The following PHLPP1 variants were observed in gnomAD, a reference collection of about 807,000 sequenced individuals.
PHLPP1 encodes PH domain leucine-rich repeat-containing protein phosphatase 1.
Under a neutral mutation model 117.2 loss-of-function variants are expected in PHLPP1, and 42 were observed. The ratio of observed to expected loss-of-function variants is 0.36; its 90% confidence interval spans 0.28 to 0.46. The LOEUF (loss-of-function observed/expected upper bound fraction) is 0.46. Ranked by LOEUF, PHLPP1 falls within the 20% of genes least tolerant of loss-of-function variation. The pLI, the probability that PHLPP1 is intolerant of heterozygous loss-of-function variation, is 1.00. For missense variants in PHLPP1, 2,084 were observed against 2,241.9 expected, an observed-to-expected ratio of 0.93 and a Z score of 1.42; for synonymous variants, 1,042 against 970.7, an observed-to-expected ratio of 1.07 and a Z score of -1.37.
intron 1 of PHLPP1, among the ~76,000 whole-genome samples, chr18:62,777,604 C>T (rs1050735360): frequency 6.6e-6 from 1 of 151,582 alleles, no homozygotes; most frequent in African/African-American, 2.4e-5. Flanking sequence ...GTGTTTTTTG[C>T]CTACTGTAAA....
At chr18:62,885,282 A>G (rs868861672) in intron 4 of PHLPP1, among the ~76,000 whole-genome samples, 5 of 152,136 alleles carry the variant, frequency 3.3e-5, no homozygotes, top group Non-Finnish European at 4.4e-5. Flanking sequence ...GCTCCACTTC[A>G]TTTTCTAATG....
chr18:62,973,049 T>G (rs770242649), intron 15 of PHLPP1, among the ~76,000 whole-genome samples: 1 of 152,230 alleles, frequency 6.6e-6, no homozygotes, highest in South Asian at 2.1e-4. Context: ...TAGGGGCTTT[T>G]TAGACTTTCT....
rs1053229005 is a variant in PHLPP1 at position 62,873,031 on chromosome 18, C to T, written c.2066+12430C>T. On this transcript the variant is annotated intron_variant, in intron 4 of 16. Coordinates refer to ENST00000262719, the MANE Select transcript of PHLPP1 (RefSeq NM_194449.4). ...AAGAAAAGGGGAGGTCAGAGCACTC[C>T]TTTTTACACCTGCTGTTTTTCAAGT... Among the ~76,000 whole-genome samples, 25 of 151,168 alleles carry T rather than the reference C, an allele frequency of 1.7e-4. 1 individual carries two copies. In the Middle Eastern group the frequency reaches 0.01, roughly 63 times the overall value.
intron 4 of PHLPP1, among the ~76,000 whole-genome samples, chr18:62,868,476 G>A (rs1915821494): frequency 6.6e-6 from 1 of 151,920 alleles, no homozygotes; most frequent in South Asian, 2.1e-4. Flanking sequence ...CAAAAAAATA[G>A]CTAGGCGTCA....
intron 1 of PHLPP1, among the ~76,000 whole-genome samples, chr18:62,759,587 A>G (rs1469947442): frequency 6.6e-6 from 1 of 152,214 alleles, no homozygotes; most frequent in Non-Finnish European, 1.5e-5. Context: ...CTTGCTTGAA[A>G]TGTAACCACA....
At chr18:62,734,745 A>T (rs1311781144) in intron 1 of PHLPP1, among the ~76,000 whole-genome samples, 2 of 152,236 alleles carry the variant, frequency 1.3e-5, no homozygotes, top group East Asian at 3.8e-4. Flanking sequence ...ACCATCTATT[A>T]TTAAATAACA....
chr18:62,905,758 A>G (rs368926101), intron 8 of PHLPP1, among the ~76,000 whole-genome samples: 4 of 152,356 alleles, frequency 2.6e-5, no homozygotes, highest in African/African-American at 9.6e-5. Context: ...GGAAATAATG[A>G]CAAAGCCTAT....
intron 1 of PHLPP1, among the ~76,000 whole-genome samples, chr18:62,737,093 A>G (rs1313128430): frequency 1.3e-5 from 2 of 152,212 alleles, no homozygotes; most frequent in African/African-American, 4.8e-5. Context: ...GCATTTACAC[A>G]GTGCCAGGGG....
At chr18:62,753,481 G>A (rs930082156) in intron 1 of PHLPP1, among the ~76,000 whole-genome samples, 3 of 152,140 alleles carry the variant, frequency 2.0e-5, no homozygotes, top group Admixed American at 2.0e-4. Context: ...AGTTGCACAG[G>A]CACTTTGCAT....
chr18:62,949,780 C>T (rs1030623424), intron 12 of PHLPP1, among the ~76,000 whole-genome samples: 14 of 152,142 alleles, frequency 9.2e-5, no homozygotes, highest in African/African-American at 1.7e-4. Context: ...GTCACACAGA[C>T]GCCAGACTTG....
At chr18:62,966,673 G>A (rs1910913827) in intron 14 of PHLPP1, among the ~76,000 whole-genome samples, 1 of 152,006 alleles carries the variant, frequency 6.6e-6, no homozygotes, top group Admixed American at 6.5e-5. Context: ...GTTTCACTGT[G>A]TTAGCCAGGA....
intron 1 of PHLPP1, among the ~76,000 whole-genome samples, chr18:62,824,887 AC>A (rs931637428): frequency 7.0e-6 from 1 of 142,264 alleles, no homozygotes; most frequent in Non-Finnish European, 1.5e-5. Context: ...GACCACCCCC[AC>A]CCCCCATTTT....
chr18:62,796,495 T>C (rs1212241718), intron 1 of PHLPP1, among the ~76,000 whole-genome samples: 1 of 152,256 alleles, frequency 6.6e-6, no homozygotes, highest in African/African-American at 2.4e-5. Context: ...TGTTCAAACA[T>C]AACTTTAACC....
chr18:62,816,648 T>C lies in PHLPP1; in HGVS notation c.1577-13387T>C, dbSNP rs549279546. Among the ~76,000 whole-genome samples, 147 of 152,324 alleles carry C rather than the reference T, an allele frequency of 9.7e-4. 1 individual carries two copies. Among genetic ancestry groups the C allele is most frequent in the African/African-American group, 3.4e-3 (141 of 41,580 alleles). On this transcript the variant is annotated intron_variant, in intron 1 of 16. Transcript: ENST00000262719. Reference sequence around the variant, plus strand: ...TATGCAGTGGTGGGTATTATTAGTCTTTTGAAATCTTTGCCAATTAGAGAA... The same window carrying C: ...TATGCAGTGGTGGGTATTATTAGTCCTTTGAAATCTTTGCCAATTAGAGAA...
intron 4 of PHLPP1, among the ~76,000 whole-genome samples, chr18:62,869,444 C>T (rs965642595): frequency 6.6e-6 from 1 of 152,192 alleles, no homozygotes; most frequent in South Asian, 2.1e-4. Flanking sequence ...AACCAGTACA[C>T]ATATGAGGAA....
At chr18:62,974,440 G>A (rs934170491) in intron 15 of PHLPP1, among the ~76,000 whole-genome samples, 1 of 152,168 alleles carries the variant, frequency 6.6e-6, no homozygotes. Context: ...CCTTACACAC[G>A]TGATAGGAGC....
chr18:62,912,784 T>C (rs915550772), intron 8 of PHLPP1, among the ~76,000 whole-genome samples: 1 of 152,062 alleles, frequency 6.6e-6, no homozygotes, highest in African/African-American at 2.4e-5. Context: ...CATGCCTGGC[T>C]AATTTTCTTG....
At chr18:62,861,898 G>C (rs939493001) in intron 4 of PHLPP1, among the ~76,000 whole-genome samples, 1 of 152,052 alleles carries the variant, frequency 6.6e-6, no homozygotes, top group Non-Finnish European at 1.5e-5. Flanking sequence ...ATTCTTTAAC[G>C]GTAAGATCCA....
intron 1 of PHLPP1, among the ~76,000 whole-genome samples, chr18:62,720,275 T>C (rs1296141447): frequency 6.6e-6 from 1 of 152,182 alleles, no homozygotes; most frequent in African/African-American, 2.4e-5. Flanking sequence ...TTGTCATTGA[T>C]GTAGGGCAGC....
Sources: gnomAD v4.1 joint callset for allele counts (sites outside exome capture counted in the v4.1 genomes callset) on GRCh38, gnomAD v4.1.1 for gene constraint, MANE v1.5 for transcripts, NCBI Gene and HGNC (gene_info 2026-07-23, HGNC 2026-07-21) for gene names.